NCAPG2: variants seen among roughly 807,000 people sequenced by gnomAD.
NCAPG2 encodes the protein non-SMC condensin II complex subunit G2.
Under a neutral mutation model 141.1 loss-of-function variants are expected in NCAPG2, and 53 were observed. The ratio of observed to expected loss-of-function variants is 0.38; its 90% CI spans 0.30 to 0.47. The LOEUF (loss-of-function observed/expected upper bound fraction) is 0.47, where lower values mean the gene tolerates loss of function less well. NCAPG2 is among the 20% of genes least tolerant of loss of function. The probability of loss-of-function intolerance (pLI) is 0.99; values close to 1 mark genes in which losing one functional copy is unlikely to be tolerated. For missense variants in NCAPG2, 1,087 were observed against 1,389.0 expected (o/e 0.78, Z 3.46); for synonymous variants, 499 against 490.7 (o/e 1.02, Z -0.22).
At chr7:158,666,766 A>AAAT (rs1832977375) in intron 13 of NCAPG2, among the ~76,000 whole-genome samples, 2 of 151,744 alleles carry the variant, frequency 1.3e-5, no homozygotes, top group African/African-American at 4.9e-5. Context: ...GTCTCAAAAA[A>AAAT]AAATAAATAA....
chr7:158,647,043 A>G (rs1181612116), intron 24 of NCAPG2, among the ~76,000 whole-genome samples: 1 of 152,186 alleles, frequency 6.6e-6, no homozygotes, highest in Non-Finnish European at 1.5e-5. Context: ...AAAAAAAAAA[A>G]AAAGATAAAC....
rs1329652733 is a variant in NCAPG2 at position 158,689,599 on chromosome 7, A to ATT, written c.672+219_672+220insAA. Among the ~76,000 whole-genome samples, 24 of 152,370 alleles carry ATT rather than the reference A, an allele frequency of 1.6e-4. 1 individual carries two copies. The highest frequency in any genetic ancestry group is 5.3e-4 in the African/African-American group (22 of 41,594). ...AATGTAATTACGGTTCCCCTAGGTA[A>ATT]CACACAGCCACCTGTTACCATCCAA... On this transcript the variant is annotated intron_variant, in intron 6 of 27. Transcript: ENST00000356309.
intron 13 of NCAPG2, chr7:158,667,148 C>G: frequency 1.0e-6 from 1 of 985,416 alleles, no homozygotes; most frequent in Non-Finnish European, 1.2e-6. Flanking sequence ...TTCCAGACAC[C>G]TCACAACCAA....
At position 158,633,208 on chromosome 7, in the gene NCAPG2, G is replaced by T. The variant is rs1300614987; in HGVS notation, c.3381-1491C>A. 6.6e-6 allele frequency among the ~76,000 whole-genome samples: 1 copy of T among 152,066 alleles called. No homozygotes were observed. Among genetic ancestry groups the T allele is most frequent in the Non-Finnish European group, 1.5e-5 (1 of 68,020 alleles). ...AGGTCTCTCGGGCCTTTTCCCCCAAGTCTATCCCCACCCTCGTGACCTCTC... is the reference window on the plus strand; with the variant it reads ...AGGTCTCTCGGGCCTTTTCCCCCAATTCTATCCCCACCCTCGTGACCTCTC... On this transcript the variant is annotated intron_variant, in intron 27 of 27. Transcript: ENST00000356309. This position sits in a 1 kb window ranked among gnomAD's most constrained non-coding sequence, Gnocchi z 4.1.
chr7:158,664,803 T>C, intron 13 of NCAPG2, 53 bp from the exon 14 acceptor site: 1 of 1,454,532 alleles, frequency 6.9e-7, no homozygotes, highest in Non-Finnish European at 9.3e-7. Context: ...CCTGTAACCC[T>C]GGAAACAGCT....
At chr7:158,666,893 T>C (rs1832996850) in intron 13 of NCAPG2, among the ~76,000 whole-genome samples, 1 of 152,094 alleles carries the variant, frequency 6.6e-6, no homozygotes, top group Admixed American at 6.5e-5. Context: ...AGAGAAAGTA[T>C]AACTCTCAAT....
rs774887543 is a variant in NCAPG2 at position 158,646,541 on chromosome 7, G to C, written c.3098C>G (p.Thr1033Ser). 1 of 1,579,970 alleles carries C rather than the reference G, an allele frequency of 6.3e-7. No individual in the cohort carries two copies. The highest frequency in any genetic ancestry group is 1.2e-5 in the South Asian group (1 of 85,238). The change falls in exon 25 of 28, where the codon ACC becomes AGC. Residue 1033 changes from threonine to serine, a missense_variant. Thr to Ser is a moderately conservative substitution (Grantham distance 58). Coordinates refer to ENST00000356309, the MANE Select transcript of NCAPG2 (RefSeq NM_017760.7). ...AAGATCAGAAAGATGCTCTGGAGGG[G>C]TAAGCTCTTCTACGTCAGAAACCTA... is the stretch of plus-strand genomic sequence containing the variant. Reference protein sequence around the residue: ...LRKVSDVEELTPPEHLSDLPP... With the variant: ...LRKVSDVEELSPPEHLSDLPP...
chr7:158,690,523 AATAG>A (rs1320493733), intron 5 of NCAPG2, 41 bp downstream of exon 5: 1 of 1,573,612 alleles, frequency 6.4e-7, no homozygotes, highest in South Asian at 1.1e-5. Flanking sequence ...CCATCTGGGC[AATAG>A]AGAGAGACCC....
chr7:158,652,165 G>C, intron 23 of NCAPG2, 128 bp downstream of exon 23: 1 of 919,672 alleles, frequency 1.1e-6, no homozygotes, highest in Non-Finnish European at 1.7e-6. Context: ...TCGCCAGCAG[G>C]GACCTCCCAC....
chr7:158,636,214 T>C (rs1046854387), intron 27 of NCAPG2, among the ~76,000 whole-genome samples: 1 of 152,184 alleles, frequency 6.6e-6, no homozygotes, highest in Non-Finnish European at 1.5e-5. Context: ...AAGTTCTGAA[T>C]TTCTCAGGTC....
In NCAPG2 at chr7:158,675,485, C is replaced by A; in HGVS notation, c.1318G>T (p.Val440Phe). Residue 440 changes from valine to phenylalanine, a missense_variant, in exon 12 of 28, where the codon GTC (valine) becomes TTC (phenylalanine). By Grantham distance (50) the Val-to-Phe change is conservative. Transcript: ENST00000356309. The part of the protein sequence containing the change: ...DTSSADVRCS[V>F]FKCLPMILDN... ...AATTTAAAAAATCTTACCTTAAAGACAGAACAACGAACATCAGCTGAGCTC... is the reference window on the plus strand; with the variant it reads ...AATTTAAAAAATCTTACCTTAAAGAAAGAACAACGAACATCAGCTGAGCTC... 6.3e-7 allele frequency: 1 copy of A among 1,593,822 alleles called. No individual in the cohort carries two copies. Among genetic ancestry groups the A allele is most frequent in the Non-Finnish European group, 8.5e-7 (1 of 1,175,160 alleles).
Position 158,693,244 on chromosome 7 carries a change from A to G in NCAPG2, c.267+65T>C, listed in dbSNP as rs1835238689. On this transcript the variant is annotated intron_variant, in intron 3 of 27. Coordinates refer to ENST00000356309, the MANE Select transcript of NCAPG2 (RefSeq NM_017760.7). ...CTTAATGTAAAATTCAATGATACAC[A>G]GTGAAGTTATTTTTTGACAAAAAAA... The G allele has an allele frequency of 2.7e-6, 4 of 1,491,742 alleles. No homozygotes were observed. The African/African-American group carries it at 5.7e-5, about 21-fold the overall frequency. 92.4% of individuals were successfully genotyped at this position (1,491,742 alleles called of 1,614,324 possible). A position where few individuals can be genotyped will look rare whatever the true frequency, so the allele number is the denominator to read the frequency against.
Position 158,662,258 on chromosome 7 carries a change from T to C in NCAPG2, c.1925A>G (p.Glu642Gly), listed in dbSNP as rs1332995613. ...SIDRSMENNK[E>G]AKLYTINKFA... Reference sequence around the variant, plus strand: ...CTTGTTAATCGTGTAAAGTTTGGCCTCTTTATTATTTTCCATACTTCTGTC... The same window carrying C: ...CTTGTTAATCGTGTAAAGTTTGGCCCCTTTATTATTTTCCATACTTCTGTC... The change falls in exon 16 of 28, where the codon GAG (glutamate) becomes GGG (glycine). Residue 642 changes from glutamate (E) to glycine (G), a missense_variant. Coordinates refer to ENST00000356309, the MANE Select transcript of NCAPG2 (RefSeq NM_017760.7). The C allele has an allele frequency of 1.2e-6, 2 of 1,610,108 alleles. No individual in the cohort carries two copies. Among genetic ancestry groups the C allele is most frequent in the Admixed American group, 3.4e-5 (2 of 59,346 alleles).
rs1832793842 is a variant in NCAPG2, at chr7:158,664,793, C to T, written c.1480-43G>A. On this transcript the variant is annotated intron_variant, in intron 13 of 27. Coordinates refer to ENST00000356309, the MANE Select transcript of NCAPG2 (RefSeq NM_017760.7). ...ATGCAGAAGGAAATAATCAATTGTGCCTGTAACCCTGGAAACAGCTTAAGA... is the reference window on the plus strand; with the variant it reads ...ATGCAGAAGGAAATAATCAATTGTGTCTGTAACCCTGGAAACAGCTTAAGA... The T allele has an allele frequency of 2.0e-6, 3 of 1,513,988 alleles. No homozygotes were observed. In the African/African-American group the frequency reaches 4.2e-5, roughly 21 times the overall value. 93.8% of individuals were successfully genotyped at this position (1,513,988 alleles called of 1,614,324 possible). A position where few individuals can be genotyped will look rare whatever the true frequency, so the allele number is the denominator to read the frequency against.
At chr7:158,701,962 G>T in intron 1 of NCAPG2, 24 bp from the exon 2 acceptor site, 1 of 1,321,022 alleles carries the variant, frequency 7.6e-7, no homozygotes, top group Non-Finnish European at 1.1e-6. Context: ...CAATCATACT[G>T]AAACACTTGC....
Position 158,631,324 on chromosome 7 carries a change from C to T in NCAPG2, c.*342G>A, listed in dbSNP as rs1829883321. The T allele has an allele frequency of 3.7e-6, 1 of 269,024 alleles. No homozygotes were observed. Among genetic ancestry groups the T allele is most frequent in the South Asian group, 5.2e-5 (1 of 19,218 alleles). 16.7% of individuals were successfully genotyped at this position (269,024 alleles called of 1,614,324 possible). ...AATAAACAAATGGATGTTGTCATTG[C>T]TTTATTACTCATAGTTTCCAAGCAA... On this transcript the variant is annotated 3_prime_UTR_variant, in exon 28 of 28. Transcript: ENST00000356309.
At chr7:158,680,157 C>A in intron 10 of NCAPG2, 72 bp from the exon 11 acceptor site, 1 of 1,415,040 alleles carries the variant, frequency 7.1e-7, no homozygotes, top group South Asian at 1.3e-5. Context: ...ACAGTGTTCC[C>A]AAAGTAACAC....
intron 27 of NCAPG2, among the ~76,000 whole-genome samples, chr7:158,643,925 A>G (rs1253071549): frequency 6.6e-6 from 1 of 152,224 alleles, no homozygotes; most frequent in African/African-American, 2.4e-5. Context: ...GGGACCGCAC[A>G]TCCCCATGTG....
intron 22 of NCAPG2, among the ~76,000 whole-genome samples, chr7:158,653,224 G>A (rs1385980863): frequency 1.3e-5 from 2 of 151,804 alleles, no homozygotes; most frequent in South Asian, 2.1e-4. Flanking sequence ...AGCCAGGCAT[G>A]GTGGTGGGCA....
Sources: gnomAD v4.1 joint callset for allele counts (sites outside exome capture counted in the v4.1 genomes callset) on GRCh38, gnomAD v4.1.1 for gene constraint, Gnocchi (gnomAD v3.1) non-coding constraint, MANE v1.5 for transcripts, NCBI Gene and HGNC (gene_info 2026-07-23, HGNC 2026-07-21) for gene names.